The following ADAM10 variants were observed in gnomAD, a reference collection of about 807,000 sequenced individuals.
ADAM10 encodes disintegrin and metalloproteinase domain-containing protein 10.
Under a neutral mutation model 90.1 loss-of-function variants are expected in ADAM10, and 17 were observed. The ratio of observed to expected loss-of-function variants is 0.19; its 90% CI spans 0.13 to 0.28. The LOEUF is 0.28. Among genes scored for constraint, ADAM10 ranks in the 10% least tolerant of loss-of-function variants. The pLI is 1.00. For synonymous variants in ADAM10, 310 were observed against 298.6 expected, an observed-to-expected ratio of 1.04 and a Z score of -0.40; for missense variants, 610 against 914.3, an observed-to-expected ratio of 0.67 and a Z score of 4.29.
At chr15:58,607,063 T>G (rs1895298021) in intron 14 of ADAM10, among the ~76,000 whole-genome samples, 1 of 152,264 alleles carries the variant, frequency 6.6e-6, no homozygotes, top group South Asian at 2.1e-4. Context: ...TTTTTAAATT[T>G]TTTTCAATCA....
intron 1 of ADAM10, among the ~76,000 whole-genome samples, chr15:58,745,586 A>G (rs1250491881): frequency 6.6e-6 from 1 of 152,232 alleles, no homozygotes; most frequent in African/African-American, 2.4e-5. Context: ...TTCTTTTTAA[A>G]CAAATCTTTA....
intron 1 of ADAM10, among the ~76,000 whole-genome samples, chr15:58,723,734 C>A (rs1264541973): frequency 6.6e-6 from 1 of 151,712 alleles, no homozygotes; most frequent in African/African-American, 2.4e-5. Flanking sequence ...AATAAACTCA[C>A]CCACTTTATA....
chr15:58,692,958 C>T, intron 2 of ADAM10: 2 of 733,522 alleles, frequency 2.7e-6, no homozygotes, highest in Non-Finnish European at 5.1e-6. Context: ...GGATGCATTC[C>T]CGAGGGTTGG....
chr15:58,647,259 T>C lies in ADAM10; in HGVS notation c.586-1055A>G, dbSNP rs1245242347. On this transcript the variant is annotated intron_variant, in intron 5 of 15. Transcript: ENST00000260408. ...AGTAGACACTAAGTATTTTTTTTTTTTTTTTTTTTTTTTTTTTTTGAGACA... is the reference window on the plus strand; with the variant it reads ...AGTAGACACTAAGTATTTTTTTTTTCTTTTTTTTTTTTTTTTTTTGAGACA... Among the ~76,000 whole-genome samples the C allele has an allele frequency of 3.1e-4, 32 of 102,512 alleles. 1 individual carries two copies. Among genetic ancestry groups the C allele is most frequent in the African/African-American group, 1.1e-3 (31 of 29,222 alleles). 67.3% of individuals were successfully genotyped at this position (102,512 alleles called of 152,430 possible). A position where few individuals can be genotyped will look rare whatever the true frequency, so the allele number is the denominator to read the frequency against.
chr15:58,735,333 A>G (rs1456026071), intron 1 of ADAM10, among the ~76,000 whole-genome samples: 1 of 152,222 alleles, frequency 6.6e-6, no homozygotes, highest in Non-Finnish European at 1.5e-5. Context: ...ACGCAGGACA[A>G]AACGAACAAC....
At chr15:58,694,608 A>G (rs1897924535) in intron 2 of ADAM10, among the ~76,000 whole-genome samples, 1 of 152,218 alleles carries the variant, frequency 6.6e-6, no homozygotes, top group Non-Finnish European at 1.5e-5. Context: ...AACATAAAGC[A>G]TATATCCACA....
At chr15:58,693,783 C>T (rs558847891) in intron 2 of ADAM10, among the ~76,000 whole-genome samples, 2 of 139,932 alleles carry the variant, frequency 1.4e-5, no homozygotes, top group African/African-American at 5.5e-5. Context: ...AAAAGGCAAG[C>T]CACAGTCTGG....
rs1207046449 is a variant in ADAM10 at position 58,591,212 on chromosome 15, T to C, written c.*6335A>G. 1 of 152,178 alleles carries C rather than the reference T, an allele frequency of 6.6e-6. No homozygotes were observed. Among genetic ancestry groups the C allele is most frequent in the African/African-American group, 2.4e-5 (1 of 41,436 alleles). The allele number at this position is 152,178 out of a possible 1,614,324, so 9.4% of individuals were successfully genotyped here. On this transcript the variant is annotated 3_prime_UTR_variant, in exon 16 of 16. Coordinates refer to ENST00000260408, the MANE Select transcript of ADAM10 (RefSeq NM_001110.4). ...CTGCTTGCTAAGATTGCTGGATGAC[T>C]GATAGCTTCAAGAGTTCACCCTAGC...
At chr15:58,673,216 C>T (rs1309370433) in intron 4 of ADAM10, among the ~76,000 whole-genome samples, 2 of 151,998 alleles carry the variant, frequency 1.3e-5, no homozygotes, top group African/African-American at 2.4e-5. Context: ...ACTAACTTTG[C>T]CTGAAACAGT....
At chr15:58,688,786 A>ATATATCTCTC in intron 2 of ADAM10, among the ~76,000 whole-genome samples, 16 of 122,368 alleles carry the variant, frequency 1.3e-4, no homozygotes, top group African/African-American at 5.4e-4. Flanking sequence ...ATATATATAT[A>ATATATCTCTC]TCTCTCTCTC....
chr15:58,610,078 C>T (rs942709978), intron 14 of ADAM10: 20 of 576,698 alleles, frequency 3.5e-5, no homozygotes. Context: ...AACAGAATGA[C>T]TCCCATCACC....
chr15:58,601,490 A>G (rs1456027561), intron 14 of ADAM10, among the ~76,000 whole-genome samples: 1 of 152,136 alleles, frequency 6.6e-6, no homozygotes, highest in Non-Finnish European at 1.5e-5. Flanking sequence ...AACAAAAAAG[A>G]AAAACTTTTA....
chr15:58,599,538 A>C, intron 15 of ADAM10, 60 bp downstream of exon 15: 1 of 1,571,924 alleles, frequency 6.4e-7, no homozygotes, highest in South Asian at 1.1e-5. Flanking sequence ...TTATAATTCA[A>C]TTCTACCTGC....
At chr15:58,743,834 G>A (rs1392292534) in intron 1 of ADAM10, among the ~76,000 whole-genome samples, 2 of 152,134 alleles carry the variant, frequency 1.3e-5, no homozygotes, top group African/African-American at 4.8e-5. Flanking sequence ...TCGAACTCCT[G>A]ACCTTTCAGG....
At chr15:58,652,109 T>C (rs549680682) in intron 5 of ADAM10, among the ~76,000 whole-genome samples, 2 of 152,188 alleles carry the variant, frequency 1.3e-5, no homozygotes, top group Admixed American at 1.3e-4. Context: ...TTTTTTTCTA[T>C]AGAGTTATTT....
intron 8 of ADAM10, among the ~76,000 whole-genome samples, chr15:58,638,698 A>C (rs1389538236): frequency 6.6e-6 from 1 of 152,034 alleles, no homozygotes; most frequent in Non-Finnish European, 1.5e-5. Context: ...CAGGAAAATG[A>C]GCAGCATCAC....
intron 5 of ADAM10, among the ~76,000 whole-genome samples, chr15:58,659,573 T>C (rs1327701402): frequency 1.3e-5 from 2 of 152,182 alleles, no homozygotes; most frequent in Non-Finnish European, 2.9e-5. Context: ...GAGCATAATG[T>C]GTTTTTTTAT....
At chr15:58,680,811 TTTTTG>T (rs1443250918) in intron 3 of ADAM10, among the ~76,000 whole-genome samples, 44 of 152,054 alleles carry the variant, frequency 2.9e-4, no homozygotes, top group Admixed American at 2.5e-3. Context: ...TATTTGGAGT[TTTTTG>T]TTTTGTTTTG....
At chr15:58,691,210 G>A (rs751521821) in intron 2 of ADAM10, 2 of 777,036 alleles carry the variant, frequency 2.6e-6, no homozygotes, top group Non-Finnish European at 4.7e-6. Flanking sequence ...AGCCTGCAGA[G>A]GTTCTCAAAC....
Sources: gnomAD v4.1 joint callset for allele counts (sites outside exome capture counted in the v4.1 genomes callset) on GRCh38, gnomAD v4.1.1 for gene constraint, MANE v1.5 for transcripts, NCBI Gene and HGNC (gene_info 2026-07-23, HGNC 2026-07-21) for gene names.